SLCO6A1: variants seen among roughly 807,000 people sequenced by gnomAD.
SLCO6A1 encodes cancer/testis antigen 48.
A neutral mutation model predicts 72.7 loss-of-function variants in SLCO6A1; 65 were observed. The ratio of observed to expected loss-of-function variants is 0.89; its 90% confidence interval spans 0.73 to 1.10. The LOEUF (loss-of-function observed/expected upper bound fraction) is 1.10, where lower values mean the gene tolerates loss of function less well. SLCO6A1 is among the 50% of genes least tolerant of loss of function. The probability of loss-of-function intolerance (pLI) is 0.00; values close to 1 mark genes in which losing one functional copy is unlikely to be tolerated. For synonymous variants in SLCO6A1, 314 were observed against 298.2 expected (o/e 1.05, Z -0.55); for missense variants, 874 against 872.6 (o/e 1.00, Z -0.02).
At chr5:102,385,156 G>A (rs1194273987) in intron 12 of SLCO6A1, among the ~76,000 whole-genome samples, 2 of 152,096 alleles carry the variant, frequency 1.3e-5, no homozygotes, top group African/African-American at 2.4e-5. Context: ...CTCTTGGCCT[G>A]CAAAATTTCT....
chr5:102,480,466 G>A (rs766534748), intron 1 of SLCO6A1, 32 bp from the exon 2 acceptor site: 4 of 1,577,874 alleles, frequency 2.5e-6, no homozygotes, highest in South Asian at 1.2e-5. Flanking sequence ...AGAAAACAAC[G>A]ATATGCATTT....
intron 12 of SLCO6A1, among the ~76,000 whole-genome samples, chr5:102,379,987 T>C (rs115684510): frequency 2.5e-3 from 383 of 152,060 alleles, no homozygotes; most frequent in African/African-American, 8.6e-3. Context: ...TTTGGTGTTA[T>C]TGTATTTATC....
In SLCO6A1 at chr5:102,480,412, A is replaced by C; in HGVS notation, c.381T>G (p.Asp127Glu). Residue 127 changes from aspartate to glutamate, a missense_variant, in exon 2 of 14, where the codon GAT (aspartate) becomes GAG (glutamate). Asp to Glu is a conservative substitution (Grantham distance 45, BLOSUM62 2). Coordinates refer to ENST00000506729, the MANE Select transcript of SLCO6A1 (RefSeq NM_173488.5). ...CCTTCTGAAAATCGCCAATGCTGAC[A>C]TCTATAAGACCAAACACCACACCTA... The part of the protein sequence containing the change: ...ICQGVVFGLI[D>E]VSIGDFQKEY... The C allele has an allele frequency of 6.2e-7, 1 of 1,613,422 alleles. No homozygotes were observed. The highest frequency in any genetic ancestry group is 8.5e-7 in the Non-Finnish European group (1 of 1,179,636).
At chr5:102,449,209 T>C (rs1347920372) in intron 6 of SLCO6A1, among the ~76,000 whole-genome samples, 2 of 152,188 alleles carry the variant, frequency 1.3e-5, no homozygotes, top group Non-Finnish European at 2.9e-5. Flanking sequence ...CTTCTGGTTG[T>C]AGAGTTTCTG....
At chr5:102,492,720 G>C (rs1752738217) in intron 1 of SLCO6A1, among the ~76,000 whole-genome samples, 1 of 152,172 alleles carries the variant, frequency 6.6e-6, no homozygotes, top group Admixed American at 6.5e-5. Flanking sequence ...TCTTAGCAAA[G>C]AGCACACCAG....
At chr5:102,384,869 C>T (rs2112497737) in intron 12 of SLCO6A1, among the ~76,000 whole-genome samples, 1 of 152,152 alleles carries the variant, frequency 6.6e-6, no homozygotes, top group East Asian at 1.9e-4. Context: ...AACATTAAGA[C>T]CTCCCTTTAG....
chr5:102,453,341 A>AC, intron 6 of SLCO6A1, among the ~76,000 whole-genome samples: 1 of 146,368 alleles, frequency 6.8e-6, no homozygotes, highest in South Asian at 2.1e-4. Flanking sequence ...CTGCCTCAAA[A>AC]AAAAAAAAAA....
chr5:102,480,046 G>T (rs1332646035), intron 2 of SLCO6A1, 131 bp downstream of exon 2: 2 of 820,790 alleles, frequency 2.4e-6, no homozygotes, highest in African/African-American at 1.7e-5. Flanking sequence ...TAGCAAACTT[G>T]GTCATATAAA....
chr5:102,376,533 A>T (rs183939955), intron 12 of SLCO6A1, among the ~76,000 whole-genome samples: 1 of 152,286 alleles, frequency 6.6e-6, no homozygotes, highest in African/African-American at 2.4e-5. Context: ...AGGGCTTCAA[A>T]ATATCTAAAG....
chr5:102,456,100 A>G (rs1242411224), intron 6 of SLCO6A1, among the ~76,000 whole-genome samples: 1 of 152,158 alleles, frequency 6.6e-6, no homozygotes, highest in African/African-American at 2.4e-5. Context: ...TTGATGGGAT[A>G]TACCTCAAAA....
chr5:102,408,588 TG>T (rs1223315804), intron 9 of SLCO6A1, among the ~76,000 whole-genome samples: 3 of 151,970 alleles, frequency 2.0e-5, no homozygotes, highest in African/African-American at 4.8e-5. Context: ...ATGTTGGTGG[TG>T]GGGGGAATGA....
chr5:102,480,081 A>G (rs761384068), intron 2 of SLCO6A1, 96 bp downstream of exon 2: 16 of 1,192,614 alleles, frequency 1.3e-5, no homozygotes, highest in Non-Finnish European at 1.9e-5. Context: ...GGATAGATAT[A>G]CAGACAAATA....
chr5:102,442,040 A>G (rs1178233990), intron 6 of SLCO6A1, among the ~76,000 whole-genome samples: 5 of 152,146 alleles, frequency 3.3e-5, no homozygotes, highest in African/African-American at 1.2e-4. Context: ...CATTTACCCT[A>G]AAGAGAGTTA....
intron 12 of SLCO6A1, among the ~76,000 whole-genome samples, 182 bp from the exon 13 acceptor site, chr5:102,373,676 GTTT>G (rs1406643433): frequency 2.0e-4 from 28 of 141,680 alleles, no homozygotes. Context: ...ATTTTTAAAT[GTTT>G]ATAATATGTT....
intron 1 of SLCO6A1, 120 bp from the exon 2 acceptor site, chr5:102,480,554 T>A: frequency 1.0e-6 from 1 of 982,174 alleles, no homozygotes; most frequent in Non-Finnish European, 1.5e-6. Context: ...TCTGAATGTT[T>A]AAAAGCTATA....
In SLCO6A1 at chr5:102,481,949, C is replaced by T. The variant is rs561632027; in HGVS notation, c.359-1515G>A. ...GGGAAATATATTGCCAAAGAAGCCA[C>T]GAGCCAGATTTGGAGCCACAACTAG... On this transcript the variant is annotated intron_variant, in intron 1 of 13. Transcript: ENST00000506729. 1.6e-4 allele frequency among the ~76,000 whole-genome samples: 24 copies of T among 152,214 alleles called. No individual in the cohort carries two copies. In the South Asian group the frequency reaches 2.7e-3, roughly 17 times the overall value.
At chr5:102,462,814 C>G (rs765277163) in intron 4 of SLCO6A1, among the ~76,000 whole-genome samples, 8 of 152,118 alleles carry the variant, frequency 5.3e-5, no homozygotes, top group Non-Finnish European at 8.8e-5. Context: ...GACCTGACAT[C>G]ATAAAACTTC....
chr5:102,422,948 A>T (rs1026272157), intron 7 of SLCO6A1, among the ~76,000 whole-genome samples: 6 of 152,238 alleles, frequency 3.9e-5, no homozygotes, highest in African/African-American at 1.4e-4. Context: ...CCTACAAGCC[A>T]GAAGATAGTG....
chr5:102,488,724 T>C (rs1018201829), intron 1 of SLCO6A1, among the ~76,000 whole-genome samples: 2 of 152,214 alleles, frequency 1.3e-5, no homozygotes, highest in Non-Finnish European at 2.9e-5. Flanking sequence ...CCTAGAGATA[T>C]CAGCGTTCCA....
Sources: gnomAD v4.1 joint callset for allele counts (sites outside exome capture counted in the v4.1 genomes callset) on GRCh38, gnomAD v4.1.1 for gene constraint, MANE v1.5 for transcripts, NCBI Gene and HGNC (gene_info 2026-07-23, HGNC 2026-07-21) for gene names.